Variants in PRKG1 observed in about 807,000 individuals in gnomAD.
PRKG1 encodes protein kinase cGMP-dependent 1.
In PRKG1, 35 loss-of-function variants were observed where a neutral mutation model predicts 88.1. The observed-to-expected ratio is 0.40, with a 90% CI of 0.30 to 0.53. PRKG1 has a LOEUF of 0.53. Ranked by LOEUF, PRKG1 falls within the 20% of genes least tolerant of loss-of-function variation. The probability of loss-of-function intolerance (pLI) is 0.59; values close to 1 mark genes in which losing one functional copy is unlikely to be tolerated. For missense variants in PRKG1, 540 were observed against 839.8 expected (o/e 0.64, Z 4.41); for synonymous variants, 303 against 292.5 (o/e 1.04, Z -0.37).
At chr10:52,292,361 G>A (rs1321391821) in intron 17 of PRKG1, among the ~76,000 whole-genome samples, 1 of 151,968 alleles carries the variant, frequency 6.6e-6, no homozygotes, top group African/African-American at 2.4e-5. Flanking sequence ...GAATGGTAAT[G>A]CCTAGGTCTT....
At chr10:52,178,741 T>C (rs914921385) in intron 9 of PRKG1, among the ~76,000 whole-genome samples, 5 of 152,182 alleles carry the variant, frequency 3.3e-5, no homozygotes, top group Admixed American at 3.3e-4. Context: ...TATTATTATA[T>C]AATGTCCTTC....
intron 1 of PRKG1, among the ~76,000 whole-genome samples, chr10:51,121,669 G>A (rs925882451): frequency 1.3e-5 from 2 of 152,078 alleles, no homozygotes; most frequent in East Asian, 3.9e-4. Flanking sequence ...CAGCTAGTAA[G>A]TGACAACCGT....
intron 5 of PRKG1, among the ~76,000 whole-genome samples, chr10:51,948,466 A>T (rs959281344): frequency 6.6e-6 from 1 of 152,076 alleles, no homozygotes; most frequent in Non-Finnish European, 1.5e-5. Flanking sequence ...ACTGCAAGGG[A>T]TAAGGGTTTT....
Position 51,339,458 on chromosome 10 carries a change from T to C in PRKG1, c.479-128265T>C, listed in dbSNP as rs375117172. Among the ~76,000 whole-genome samples, 3 of 152,004 alleles carry C rather than the reference T, an allele frequency of 2.0e-5. No individual in the cohort carries two copies. In the South Asian group the frequency reaches 6.2e-4, roughly 31 times the overall value. On this transcript the variant is annotated intron_variant, in intron 2 of 17. Coordinates refer to ENST00000373980, the MANE Select transcript of PRKG1 (RefSeq NM_006258.4). ...TCAAGATATCTTCCAAGTTTCCAGC[T>C]TTTTTCCTGACTTTAAATATTTTTA...
At chr10:51,746,699 G>A (rs1837588236) in intron 3 of PRKG1, among the ~76,000 whole-genome samples, 1 of 150,258 alleles carries the variant, frequency 6.7e-6, no homozygotes, top group African/African-American at 2.5e-5. Context: ...CTGTAGCCTG[G>A]GTGACAGAGT....
chr10:51,756,612 G>A (rs1048523983), intron 3 of PRKG1, among the ~76,000 whole-genome samples: 4 of 151,904 alleles, frequency 2.6e-5, no homozygotes, highest in Admixed American at 1.3e-4. Context: ...TCAGGAGATT[G>A]AGACCATCCT....
At chr10:51,417,312 A>G (rs1404821514) in intron 2 of PRKG1, among the ~76,000 whole-genome samples, 2 of 152,218 alleles carry the variant, frequency 1.3e-5, no homozygotes, top group African/African-American at 2.4e-5. Flanking sequence ...TCAGGAACAT[A>G]AAGTTGATCA....
At chr10:51,354,911 C>T (rs1339464342) in intron 2 of PRKG1, among the ~76,000 whole-genome samples, 5 of 152,010 alleles carry the variant, frequency 3.3e-5, no homozygotes, top group Non-Finnish European at 5.9e-5. Flanking sequence ...CAGATGCTGA[C>T]AGTTATAGGG....
intron 7 of PRKG1, among the ~76,000 whole-genome samples, chr10:52,122,305 T>A (rs1393484061): frequency 6.6e-6 from 1 of 152,240 alleles, no homozygotes; most frequent in African/African-American, 2.4e-5. Context: ...AAGCCCTAAT[T>A]GACCTAATTA....
chr10:51,633,982 C>A (rs16920695), intron 3 of PRKG1, among the ~76,000 whole-genome samples: 2,665 of 152,138 alleles, frequency 0.018, 89 homozygotes, highest in African/African-American at 0.061. Flanking sequence ...GGAAGCAGAA[C>A]CCTCATGTCA....
At chr10:52,282,445 G>T in intron 14 of PRKG1, 129 bp downstream of exon 14, 2 of 938,408 alleles carry the variant, frequency 2.1e-6, no homozygotes, top group Non-Finnish European at 1.5e-6. Flanking sequence ...AGTTTAATTA[G>T]TTATACAGAT....
chr10:51,218,826 T>C (rs1838447344), intron 2 of PRKG1, among the ~76,000 whole-genome samples: 1 of 151,036 alleles, frequency 6.6e-6, no homozygotes, highest in Non-Finnish European at 1.5e-5. Flanking sequence ...TCAATAAATA[T>C]CAAAGAAAGG....
At chr10:51,550,732 G>A (rs1398317225) in intron 3 of PRKG1, among the ~76,000 whole-genome samples, 2 of 151,950 alleles carry the variant, frequency 1.3e-5, no homozygotes, top group Non-Finnish European at 2.9e-5. Flanking sequence ...AGCTGAAGGT[G>A]AGGTAGCATA....
chr10:51,057,477 C>G (rs890308525), intron 1 of PRKG1, among the ~76,000 whole-genome samples: 1 of 152,104 alleles, frequency 6.6e-6, no homozygotes, highest in African/African-American at 2.4e-5. Context: ...AATGAGTTAT[C>G]CTTACAGCAG....
chr10:51,276,226 G>A (rs1414857974), intron 2 of PRKG1, among the ~76,000 whole-genome samples: 2 of 151,764 alleles, frequency 1.3e-5, no homozygotes, highest in Admixed American at 6.6e-5. Flanking sequence ...TTGGTTTTTC[G>A]TCCTTGTGAT....
At chr10:52,257,922 A>T (rs1841347127) in intron 10 of PRKG1, among the ~76,000 whole-genome samples, 1 of 139,398 alleles carries the variant, frequency 7.2e-6, no homozygotes, top group South Asian at 2.3e-4. Context: ...TCAATGCAGA[A>T]ATTACAAGTA....
At chr10:52,107,797 A>T (rs571515837) in intron 7 of PRKG1, among the ~76,000 whole-genome samples, 65 of 152,272 alleles carry the variant, frequency 4.3e-4, no homozygotes, top group African/African-American at 1.4e-3. Context: ...GCCTTTTAGT[A>T]TTATTTTTCA....
At chr10:51,011,074 A>G (rs1318425640) in intron 1 of PRKG1, among the ~76,000 whole-genome samples, 1 of 152,172 alleles carries the variant, frequency 6.6e-6, no homozygotes, top group Non-Finnish European at 1.5e-5. Flanking sequence ...AAAAAGCACC[A>G]ATAAATTTCC....
intron 2 of PRKG1, among the ~76,000 whole-genome samples, chr10:51,325,260 GTTTGT>G (rs776411297): frequency 6.6e-6 from 1 of 152,026 alleles, no homozygotes; most frequent in Non-Finnish European, 1.5e-5. Context: ...AATTGTTTGA[GTTTGT>G]TTTGTTTTGT....
Sources: gnomAD v4.1 joint callset for allele counts (sites outside exome capture counted in the v4.1 genomes callset) on GRCh38, gnomAD v4.1.1 for gene constraint, MANE v1.5 for transcripts, NCBI Gene and HGNC (gene_info 2026-07-23, HGNC 2026-07-21) for gene names.